SNTG1: variants seen among roughly 807,000 people sequenced by gnomAD.
The protein encoded by SNTG1 is syntrophin gamma 1.
SNTG1 carries 39 observed loss-of-function variants against 74.7 expected under a neutral mutation model. That is an observed-to-expected ratio of 0.52 (90% confidence interval 0.40 to 0.68). The LOEUF (loss-of-function observed/expected upper bound fraction) is 0.68. Ranked by LOEUF, SNTG1 falls within the 30% of genes least tolerant of loss-of-function variation. The probability of loss-of-function intolerance (pLI) is 0.00; values close to 1 mark genes in which losing one functional copy is unlikely to be tolerated. For synonymous variants in SNTG1, 254 were observed against 217.1 expected (o/e 1.17, Z -1.49); for missense variants, 685 against 609.5 (o/e 1.12, Z -1.30).
intron 4 of SNTG1, among the ~76,000 whole-genome samples, chr8:50,417,328 T>C (rs2093027313): frequency 6.6e-6 from 1 of 152,136 alleles, no homozygotes; most frequent in South Asian, 2.1e-4. Flanking sequence ...TTCTGAGACT[T>C]AGCGATTTAT....
intron 2 of SNTG1, among the ~76,000 whole-genome samples, chr8:50,340,686 T>C (rs1238840161): frequency 6.6e-6 from 1 of 151,912 alleles, no homozygotes; most frequent in Non-Finnish European, 1.5e-5. Context: ...ATGGATACAA[T>C]ACCAAAGCAT....
chr8:49,913,151 C>T (rs1229556039), intron 1 of SNTG1, among the ~76,000 whole-genome samples: 2 of 152,182 alleles, frequency 1.3e-5, no homozygotes, highest in African/African-American at 4.8e-5. Context: ...CCGTGCCTGA[C>T]ATTTCACTAA....
chr8:50,616,989 A>G (rs1013740431), intron 13 of SNTG1, among the ~76,000 whole-genome samples: 1 of 152,110 alleles, frequency 6.6e-6, no homozygotes, highest in Non-Finnish European at 1.5e-5. Context: ...AAGCTTTTCT[A>G]TCAGACAGGA....
chr8:50,362,518 T>C (rs533311712), intron 2 of SNTG1, among the ~76,000 whole-genome samples: 3 of 151,032 alleles, frequency 2.0e-5, no homozygotes, highest in Admixed American at 6.6e-5. Flanking sequence ...AAGATAGTCT[T>C]TTTTTTTTAC....
intron 1 of SNTG1, among the ~76,000 whole-genome samples, chr8:49,954,251 C>A (rs950938138): frequency 1.3e-5 from 2 of 152,090 alleles, no homozygotes; most frequent in Non-Finnish European, 2.9e-5. Flanking sequence ...ATGTTATTGT[C>A]TTAAAGTGTA....
In SNTG1 at chr8:50,122,916, T is replaced by C. The variant is rs185540289; in HGVS notation, c.-102-49645T>C. On this transcript the variant is annotated intron_variant, in intron 1 of 18. Transcript: ENST00000642720. The stretch of plus-strand genomic sequence containing the variant: ...CATATAAAATGGGAATGGAAATACA[T>C]TTATTTAACAAATATTTACATAGAG... Among the ~76,000 whole-genome samples, 186 of 142,690 alleles carry C rather than the reference T, an allele frequency of 1.3e-3. 19 individuals carry two copies. The highest frequency in any genetic ancestry group is 4.4e-3 in the African/African-American group (175 of 39,522). 93.6% of individuals were successfully genotyped at this position (142,690 alleles called of 152,430 possible). A position where few individuals can be genotyped will look rare whatever the true frequency, so the allele number is the denominator to read the frequency against.
At chr8:50,419,068 G>A (rs2093049383) in intron 4 of SNTG1, among the ~76,000 whole-genome samples, 2 of 152,192 alleles carry the variant, frequency 1.3e-5, no homozygotes, top group African/African-American at 4.8e-5. Flanking sequence ...GTTGGCTTGG[G>A]ATTTTAGGAT....
chr8:50,156,028 A>G (rs992650507), intron 1 of SNTG1, among the ~76,000 whole-genome samples: 2 of 152,114 alleles, frequency 1.3e-5, no homozygotes, highest in African/African-American at 4.8e-5. Context: ...AAATGAAATG[A>G]AAACTTTTAT....
intron 2 of SNTG1, among the ~76,000 whole-genome samples, chr8:50,230,743 C>T (rs1218109950): frequency 5.3e-5 from 8 of 151,150 alleles, no homozygotes; most frequent in Admixed American, 4.6e-4. Context: ...TGTATACAAT[C>T]CAACTCAAAA....
At chr8:50,789,371 G>A (rs1438645695) in intron 18 of SNTG1, among the ~76,000 whole-genome samples, 3 of 151,798 alleles carry the variant, frequency 2.0e-5, no homozygotes, top group African/African-American at 7.3e-5. Context: ...GGAGTCTCAG[G>A]GATGAGTGCC....
At chr8:50,147,574 T>A (rs558431196) in intron 1 of SNTG1, among the ~76,000 whole-genome samples, 178 of 152,308 alleles carry the variant, frequency 1.2e-3, no homozygotes, top group Middle Eastern at 6.8e-3. Context: ...TTGGAGTAGA[T>A]AAACCTTGCA....
chr8:50,377,818 A>T (rs2092414147), intron 2 of SNTG1, among the ~76,000 whole-genome samples: 1 of 152,254 alleles, frequency 6.6e-6, no homozygotes, highest in Non-Finnish European at 1.5e-5. Flanking sequence ...TTTTAAAAAA[A>T]TTGATTTTGG....
At position 50,306,270 on chromosome 8, in the gene SNTG1, C is replaced by T. The variant is rs184405512; in HGVS notation, c.-27-87942C>T. ...AGTAGTATTCTGTGGTATATATATA[C>T]CACATTTTCTTTATTCATTCATTGA... On this transcript the variant is annotated intron_variant, in intron 2 of 18. Coordinates refer to ENST00000642720, the MANE Select transcript of SNTG1 (RefSeq NM_018967.5). 4.9e-3 allele frequency among the ~76,000 whole-genome samples: 738 copies of T among 152,008 alleles called. 3 individuals are homozygous for T. Among genetic ancestry groups the T allele is most frequent in the Non-Finnish European group, 7.0e-3 (475 of 67,926 alleles).
chr8:50,294,925 A>C (rs2089293988), intron 2 of SNTG1, among the ~76,000 whole-genome samples: 1 of 152,182 alleles, frequency 6.6e-6, no homozygotes, highest in Non-Finnish European at 1.5e-5. Flanking sequence ...CCAGAGCCGG[A>C]CAACGAGCAC....
chr8:50,667,588 C>T (rs1281872619), intron 15 of SNTG1, among the ~76,000 whole-genome samples: 2 of 151,962 alleles, frequency 1.3e-5, no homozygotes, highest in African/African-American at 4.8e-5. Flanking sequence ...ATCCTGATGA[C>T]CTTATCTAAT....
chr8:50,546,463 T>A (rs1445502885), intron 11 of SNTG1, among the ~76,000 whole-genome samples: 1 of 152,072 alleles, frequency 6.6e-6, no homozygotes, highest in East Asian at 1.9e-4. Context: ...ACATGTGCCG[T>A]GTTGGTGTGC....
At chr8:50,154,172 G>T (rs2082173976) in intron 1 of SNTG1, among the ~76,000 whole-genome samples, 1 of 152,090 alleles carries the variant, frequency 6.6e-6, no homozygotes. Flanking sequence ...ACCAGTAGGG[G>T]CAGACTGACA....
intron 1 of SNTG1, among the ~76,000 whole-genome samples, chr8:49,932,816 C>G (rs1222591376): frequency 3.9e-5 from 6 of 152,090 alleles, no homozygotes; most frequent in African/African-American, 1.4e-4. Flanking sequence ...AATATATTTT[C>G]CATCCCTATG....
chr8:49,932,641 T>G (rs535610307), intron 1 of SNTG1, among the ~76,000 whole-genome samples: 41 of 152,218 alleles, frequency 2.7e-4, no homozygotes, highest in African/African-American at 7.7e-4. Flanking sequence ...AACATAATAC[T>G]TACCCTCTTA....
Sources: gnomAD v4.1 joint callset for allele counts (sites outside exome capture counted in the v4.1 genomes callset) on GRCh38, gnomAD v4.1.1 for gene constraint, MANE v1.5 for transcripts, NCBI Gene and HGNC (gene_info 2026-07-23, HGNC 2026-07-21) for gene names.